Variants in SLC16A10 observed in about 807,000 individuals in gnomAD.
The protein encoded by SLC16A10 is solute carrier family 16 member 10, also known as monocarboxylate transporter 10.
SLC16A10 carries 27 observed loss-of-function variants against 40.0 expected under a neutral mutation model. The ratio of observed to expected loss-of-function variants is 0.67; its 90% CI spans 0.50 to 0.93. The LOEUF (loss-of-function observed/expected upper bound fraction) is 0.93. Ranked by LOEUF, SLC16A10 falls within the 40% of genes least tolerant of loss-of-function variation. The pLI, the probability that SLC16A10 is intolerant of heterozygous loss-of-function variation, is 0.00. For synonymous variants in SLC16A10, 213 were observed against 249.8 expected, an observed-to-expected ratio of 0.85 and a Z score of 1.39; for missense variants, 529 against 658.2, an observed-to-expected ratio of 0.80 and a Z score of 2.15.
chr6:111,127,214 T>C (rs1771690580), intron 1 of SLC16A10, among the ~76,000 whole-genome samples: 1 of 152,212 alleles, frequency 6.6e-6, no homozygotes, highest in South Asian at 2.1e-4. Flanking sequence ...AAGAATTTTA[T>C]GGAGTGACAA....
At chr6:111,088,398 C>A (rs1770909699) in intron 1 of SLC16A10, among the ~76,000 whole-genome samples, 1 of 152,246 alleles carries the variant, frequency 6.6e-6, no homozygotes, top group South Asian at 2.1e-4. Flanking sequence ...CCACAGGAGC[C>A]CTTCCTTTTA....
intron 1 of SLC16A10, among the ~76,000 whole-genome samples, chr6:111,149,247 A>G (rs1230813861): frequency 1.3e-5 from 2 of 152,172 alleles, no homozygotes; most frequent in African/African-American, 2.4e-5. Flanking sequence ...ATCAGGAGAA[A>G]CTATGTTCTG....
At chr6:111,129,612 T>C (rs1417744484) in intron 1 of SLC16A10, among the ~76,000 whole-genome samples, 1 of 152,226 alleles carries the variant, frequency 6.6e-6, no homozygotes, top group Non-Finnish European at 1.5e-5. Flanking sequence ...AGTTTTACAT[T>C]TGTATAACTG....
chr6:111,161,675 A>G (rs1317429841), intron 1 of SLC16A10, among the ~76,000 whole-genome samples: 2 of 152,126 alleles, frequency 1.3e-5, no homozygotes, highest in Non-Finnish European at 2.9e-5. Context: ...AAATGAGAAG[A>G]CAACCAGATT....
Position 111,230,375 on chromosome 6 carries a change from ACT to A in SLC16A10, c.*8144_*8145del, listed in dbSNP as rs1771092318. On this transcript the variant is annotated 3_prime_UTR_variant, in exon 6 of 6. Transcript: ENST00000368851. ...AATGTAAATTAAGAAGACAATACAC[ACT>A]CTCATTTTCCTAATTAGAAAGACTA... The A allele has an allele frequency of 6.6e-6, 1 of 151,964 alleles. No homozygotes were observed. Among genetic ancestry groups the A allele is most frequent in the Admixed American group, 6.6e-5 (1 of 15,254 alleles). 9.4% of individuals were successfully genotyped at this position (151,964 alleles called of 1,614,324 possible). A position where few individuals can be genotyped will look rare whatever the true frequency, so the allele number is the denominator to read the frequency against.
At chr6:111,091,072 C>T (rs1337317827) in intron 1 of SLC16A10, 2 of 152,178 alleles carry the variant, frequency 1.3e-5, no homozygotes, top group Non-Finnish European at 2.9e-5. Flanking sequence ...CCACGATTCT[C>T]TGATAGACTT....
chr6:111,108,418 A>G (rs1313493256), intron 1 of SLC16A10, among the ~76,000 whole-genome samples: 4 of 152,184 alleles, frequency 2.6e-5, no homozygotes, highest in African/African-American at 9.7e-5. Context: ...TAATAATGTA[A>G]AAAGGACTGC....
chr6:111,092,402 C>T (rs1392181216), intron 1 of SLC16A10, among the ~76,000 whole-genome samples: 1 of 149,438 alleles, frequency 6.7e-6, no homozygotes, highest in Admixed American at 6.7e-5. Context: ...TCACTGCAAC[C>T]ACTGCCTCCC....
chr6:111,125,012 C>T (rs1473794883), intron 1 of SLC16A10, among the ~76,000 whole-genome samples: 4 of 152,156 alleles, frequency 2.6e-5, no homozygotes, highest in African/African-American at 7.2e-5. Flanking sequence ...GACAGTCATA[C>T]TTTAACCTTA....
intron 1 of SLC16A10, among the ~76,000 whole-genome samples, chr6:111,139,267 C>G: frequency 6.6e-6 from 1 of 151,466 alleles, no homozygotes; most frequent in East Asian, 1.9e-4. Flanking sequence ...CTTTTTCTTT[C>G]TTTATTTTGG....
chr6:111,173,681 T>G (rs1033767858), intron 2 of SLC16A10, among the ~76,000 whole-genome samples: 1 of 152,146 alleles, frequency 6.6e-6, no homozygotes, highest in Non-Finnish European at 1.5e-5. Context: ...TAGGTTGCAC[T>G]CCCCTTATGA....
At chr6:111,157,533 T>G (rs1216766699) in intron 1 of SLC16A10, among the ~76,000 whole-genome samples, 1 of 151,736 alleles carries the variant, frequency 6.6e-6, no homozygotes, top group Non-Finnish European at 1.5e-5. Flanking sequence ...CCGCCTACCT[T>G]GGCCTCCCGA....
intron 1 of SLC16A10, among the ~76,000 whole-genome samples, chr6:111,163,644 A>C (rs1772417169): frequency 6.6e-6 from 1 of 152,230 alleles, no homozygotes; most frequent in South Asian, 2.1e-4. Flanking sequence ...TGGATGCTCC[A>C]GGAGCCCTCT....
intron 3 of SLC16A10, among the ~76,000 whole-genome samples, chr6:111,201,614 A>C (rs1773169237): frequency 6.6e-6 from 1 of 152,246 alleles, no homozygotes; most frequent in Non-Finnish European, 1.5e-5. Flanking sequence ...TACACCTTAC[A>C]TAAAAGATAT....
At chr6:111,100,775 C>T (rs906081489) in intron 1 of SLC16A10, among the ~76,000 whole-genome samples, 2 of 151,774 alleles carry the variant, frequency 1.3e-5, no homozygotes, top group Admixed American at 6.6e-5. Context: ...GCGGTTTTAT[C>T]AACAAAGCCA....
chr6:111,100,345 G>T (rs980546357), intron 1 of SLC16A10, among the ~76,000 whole-genome samples: 2 of 152,028 alleles, frequency 1.3e-5, no homozygotes, highest in Admixed American at 1.3e-4. Flanking sequence ...TGGTTTTATT[G>T]GTTTTGAATT....
chr6:111,111,532 A>C (rs1268792753), intron 1 of SLC16A10, among the ~76,000 whole-genome samples: 2 of 152,196 alleles, frequency 1.3e-5, no homozygotes, highest in Admixed American at 6.5e-5. Context: ...ACCAGTCTAG[A>C]CAACATACTG....
chr6:111,212,048 C>T (rs1268218885), intron 4 of SLC16A10, among the ~76,000 whole-genome samples: 2 of 152,194 alleles, frequency 1.3e-5, no homozygotes, highest in African/African-American at 4.8e-5. Context: ...AGCAGCCAGG[C>T]CTAGAACACT....
At chr6:111,198,293 G>C (rs1002366596) in intron 3 of SLC16A10, among the ~76,000 whole-genome samples, 1 of 152,148 alleles carries the variant, frequency 6.6e-6, no homozygotes, top group Non-Finnish European at 1.5e-5. Flanking sequence ...CTAAAAAAAA[G>C]AGAAGCCTAT....
Sources: allele counts gnomAD v4.1 joint callset (sites outside exome capture counted in the v4.1 genomes callset), GRCh38; gene constraint gnomAD v4.1.1; transcripts MANE v1.5; gene names NCBI Gene and HGNC (gene_info 2026-07-23, HGNC 2026-07-21).